The following SRRM2 variants were observed in gnomAD, a reference collection of about 807,000 sequenced individuals.
SRRM2 encodes the protein serine/arginine repetitive matrix 2, also known as serine/arginine repetitive matrix protein 2.
Under a neutral mutation model 213.8 loss-of-function variants are expected in SRRM2, and 30 were observed. That is an observed-to-expected ratio of 0.14 (90% CI 0.10 to 0.19). SRRM2 has a LOEUF of 0.19. Among genes scored for constraint, SRRM2 ranks in the 10% least tolerant of loss-of-function variants. SRRM2 has a pLI of 1.00. For missense variants in SRRM2, 4,904 were observed against 3,647.0 expected, an observed-to-expected ratio of 1.34 and a Z score of -8.88; for synonymous variants, 2,025 against 1,377.7, an observed-to-expected ratio of 1.47 and a Z score of -10.40.
Position 2,761,710 on chromosome 16 carries a change from A to C in SRRM2, c.1182A>C (p.Pro394=), listed in dbSNP as rs2068356175. 2.5e-6 allele frequency: 4 copies of C among 1,604,616 alleles called. No individual in the cohort carries two copies. Among genetic ancestry groups the C allele is most frequent in the Admixed American group, 1.7e-5 (1 of 58,910 alleles). Residue 394 remains proline, a synonymous_variant, in exon 11 of 15, where the codon CCA becomes CCC. Coordinates refer to ENST00000301740, the MANE Select transcript of SRRM2 (RefSeq NM_016333.4). ...TPLSQEPVNP[P]SEASPTRDRS... ...TAAGCCAGGAGCCAGTGAACCCCCCATCTGAGGCCTCTCCAACTCGGGACC... is the reference window on the plus strand; with the variant it reads ...TAAGCCAGGAGCCAGTGAACCCCCCCTCTGAGGCCTCTCCAACTCGGGACC...
At chr16:2,759,537 T>G (rs1234523676) in intron 8 of SRRM2, 32 bp from the exon 9 acceptor site, 1 of 1,607,362 alleles carries the variant, frequency 6.2e-7, no homozygotes, top group Non-Finnish European at 8.5e-7. Flanking sequence ...GGTACAGCAG[T>G]ACCCTGAGCT....
At position 2,766,582 on chromosome 16, in the gene SRRM2, T is replaced by A; in HGVS notation, c.6054T>A (p.Ser2018=). The change falls in exon 11 of 15, where the codon TCT becomes TCA. Residue 2018 remains serine (S), a synonymous_variant. Transcript: ENST00000301740. This position sits in a 1 kb window ranked among gnomAD's most constrained non-coding sequence, Gnocchi z 7.0. The part of the protein sequence containing the change: ...SRTSPVTRRR[S]RSRTPPAIRR... ...CCTCACCAGTGACACGCCGCCGCTC[T>A]AGGTCCCGGACACCTCCAGCTATTC... 2 of 1,613,804 alleles carry A rather than the reference T, an allele frequency of 1.2e-6. No homozygotes were observed. The highest frequency in any genetic ancestry group is 1.7e-6 in the Non-Finnish European group (2 of 1,179,966).
chr16:2,761,374 T>C (rs1248296734), intron 10 of SRRM2, among the ~76,000 whole-genome samples, 187 bp from the exon 11 acceptor site: 1 of 152,256 alleles, frequency 6.6e-6, no homozygotes, highest in Non-Finnish European at 1.5e-5. Flanking sequence ...ATTCTGGCTA[T>C]CCATATATTC....
chr16:2,768,709 G>C (rs2068629496), intron 11 of SRRM2: 1 of 698,094 alleles, frequency 1.4e-6, no homozygotes. Context: ...AGACTACCCA[G>C]CTTCAGCTTC....
Position 2,759,035 on chromosome 16 carries a change from A to T in SRRM2, c.644A>T (p.Lys215Met). The T allele has an allele frequency of 6.2e-7, 1 of 1,614,242 alleles. No homozygotes were observed. Among genetic ancestry groups the T allele is most frequent in the African/African-American group, 1.3e-5 (1 of 75,052 alleles). Residue 215 changes from lysine (K) to methionine (M), a missense_variant, in exon 6 of 15, where the codon AAG becomes ATG. Transcript: ENST00000301740. ...CGGGAGAGAAAGAAAAGCTCAAAGA[A>T]GAAGAAGCACAGGTATGAGGTGGGA... Reference protein sequence around the residue: ...PRRERKKSSKKKKHRSESESK... With the variant: ...PRRERKKSSKMKKHRSESESK...
rs1245242021 is a variant in SRRM2, at chr16:2,765,748, G to A, written c.5220G>A (p.Arg1740=). The A allele has an allele frequency of 2.5e-6, 4 of 1,614,086 alleles. No individual in the cohort carries two copies. The highest frequency in any genetic ancestry group is 3.4e-6 in the Non-Finnish European group (4 of 1,180,020). ...VSSPEPAEKS[R]SSRRRRSASS... ...CCCCGGAGCCAGCCGAAAAATCGAG[G>A]TCTTCACGCCGACGGCGCTCAGCTT... The change falls in exon 11 of 15, where the codon AGG becomes AGA. Residue 1740 remains arginine, a synonymous_variant. Transcript: ENST00000301740.
At position 2,759,602 on chromosome 16, in the gene SRRM2, C is replaced by G. The variant is rs550515538; in HGVS notation, c.774C>G (p.Arg258=). ...SRSTTPAPKS[R]RAHRSTSADS... ...GTACAACACCAGCCCCCAAGAGCCG[C>G]CGGGCCCACCGTTCAACTTCTGCTG... Residue 258 remains arginine (R), a synonymous_variant, in exon 9 of 15, where the codon CGC becomes CGG. Coordinates refer to ENST00000301740, the MANE Select transcript of SRRM2 (RefSeq NM_016333.4). 6.2e-7 allele frequency: 1 copy of G among 1,614,120 alleles called. No individual in the cohort carries two copies. The highest frequency in any genetic ancestry group is 1.3e-5 in the African/African-American group (1 of 75,010).
intron 4 of SRRM2, among the ~76,000 whole-genome samples, 176 bp downstream of exon 4, chr16:2,758,121 TC>T (rs1248775253): frequency 3.9e-5 from 6 of 152,324 alleles, no homozygotes; most frequent in Middle Eastern, 3.4e-3. Flanking sequence ...ACGCGCGTAA[TC>T]CCAGCATTTT....
chr16:2,763,286 A>G lies in SRRM2; in HGVS notation c.2758A>G (p.Lys920Glu). The G allele has an allele frequency of 6.2e-7, 1 of 1,614,142 alleles. No individual in the cohort carries two copies. Among genetic ancestry groups the G allele is most frequent in the South Asian group, 1.1e-5 (1 of 91,078 alleles). ...SRSSSPQPKV[K>E]AIISPRQRSH... is the part of the protein sequence containing the mutation. ...GTCATCATCTCCACAACCCAAAGTGAAGGCAATAATATCACCAAGACAAAG... is the reference window on the plus strand; with the variant it reads ...GTCATCATCTCCACAACCCAAAGTGGAGGCAATAATATCACCAAGACAAAG... Residue 920 changes from lysine to glutamate, a missense_variant, in exon 11 of 15, where the codon AAG (lysine) becomes GAG (glutamate). Coordinates refer to ENST00000301740, the MANE Select transcript of SRRM2 (RefSeq NM_016333.4).
At chr16:2,754,312 G>T (rs866439602) in intron 1 of SRRM2, among the ~76,000 whole-genome samples, 5 of 147,306 alleles carry the variant, frequency 3.4e-5, no homozygotes, top group African/African-American at 7.6e-5. Context: ...TTTTTTTTCC[G>T]AGACGGAGTC....
In SRRM2 at chr16:2,758,466, C is replaced by T. The variant is rs372362543; in HGVS notation, c.516-4C>T. 1.8e-5 allele frequency: 29 copies of T among 1,613,464 alleles called. No homozygotes were observed. The highest frequency in any genetic ancestry group is 2.4e-5 in the Non-Finnish European group (28 of 1,179,446). ...CATCTCTGCTGCTTTTCATTTTTCCCTAGCCTTGTTCGGGAGTCTAGCAGT... is the reference window on the plus strand; with the variant it reads ...CATCTCTGCTGCTTTTCATTTTTCCTTAGCCTTGTTCGGGAGTCTAGCAGT... On this transcript the variant is annotated splice_region_variant and splice_polypyrimidine_tract_variant and intron_variant, in intron 4 of 14. Coordinates refer to ENST00000301740, the MANE Select transcript of SRRM2 (RefSeq NM_016333.4).
chr16:2,761,191 T>G (rs1420426306), intron 10 of SRRM2, among the ~76,000 whole-genome samples: 1 of 152,256 alleles, frequency 6.6e-6, no homozygotes, highest in African/African-American at 2.4e-5. Context: ...ATGCTGTTTC[T>G]TTTCGTTTAA....
rs776715070 is a variant in SRRM2 at position 2,766,716 on chromosome 16, G to A, written c.6188G>A (p.Arg2063Gln). ...RSRSRTPRTARGKRSLTRSPP... is the reference protein window; with the variant it reads ...RSRSRTPRTAQGKRSLTRSPP... ...AGATCCCGTACTCCACGAACAGCTC[G>A]GGGTAAACGGTCCTTAACAAGATCT... The change falls in exon 11 of 15, where the codon CGG becomes CAG. Residue 2063 changes from arginine (R) to glutamine (Q), a missense_variant. Coordinates refer to ENST00000301740, the MANE Select transcript of SRRM2 (RefSeq NM_016333.4). The surrounding 1 kb of genome is among the most constrained non-coding windows in gnomAD (Gnocchi z 7.0). 1.1e-5 allele frequency: 18 copies of A among 1,614,042 alleles called. No homozygotes were observed. In the Admixed American group the frequency reaches 1.3e-4, roughly 12 times the overall value.
rs1277495801 is a variant in SRRM2 at position 2,764,634 on chromosome 16, T to C, written c.4106T>C (p.Leu1369Pro). 1 of 1,614,110 alleles carries C rather than the reference T, an allele frequency of 6.2e-7. No homozygotes were observed. The highest frequency in any genetic ancestry group is 8.5e-7 in the Non-Finnish European group (1 of 1,180,048). ...AATCAGCTGGAAACAGATCCATCTC[T>C]AGACATGAAAGAACAATCGACAAGA... ...FLNQLETDPS[L>P]DMKEQSTRSS... Residue 1369 changes from leucine (L) to proline (P), a missense_variant, in exon 11 of 15, where the codon CTA (leucine) becomes CCA (proline). Coordinates refer to ENST00000301740, the MANE Select transcript of SRRM2 (RefSeq NM_016333.4).
In SRRM2 at chr16:2,762,160, G is replaced by A. The variant is rs749583323; in HGVS notation, c.1632G>A (p.Arg544=). Residue 544 remains arginine (R), a synonymous_variant, in exon 11 of 15, where the codon AGG becomes AGA. Coordinates refer to ENST00000301740, the MANE Select transcript of SRRM2 (RefSeq NM_016333.4). ...SRSPQRPGWS[R]SRNTQRRGRS... Reference sequence around the variant, plus strand: ...CTCCTCAGCGACCAGGCTGGTCTAGGAGCAGAAATACCCAGAGAAGAGGCA... The same window carrying A: ...CTCCTCAGCGACCAGGCTGGTCTAGAAGCAGAAATACCCAGAGAAGAGGCA... The A allele has an allele frequency of 1.1e-5, 17 of 1,613,856 alleles. No homozygotes were observed. The highest frequency in any genetic ancestry group is 2.7e-5 in the African/African-American group (2 of 74,834).
chr16:2,763,242 C>G lies in SRRM2; in HGVS notation c.2714C>G (p.Pro905Arg). The change falls in exon 11 of 15, where the codon CCC (proline) becomes CGC (arginine). Residue 905 changes from proline (P) to arginine (R), a missense_variant. Pro to Arg is a moderately radical substitution (Grantham distance 103). Transcript: ENST00000301740. ...SPPRVKSSTP[P>R]RQSPSRSSSP... is the part of the protein sequence containing the mutation. Reference sequence around the variant, plus strand: ...CCTAGAGTGAAATCTAGCACACCTCCCAGACAGAGCCCATCTAGGTCATCA... The same window carrying G: ...CCTAGAGTGAAATCTAGCACACCTCGCAGACAGAGCCCATCTAGGTCATCA... The G allele has an allele frequency of 6.2e-7, 1 of 1,614,124 alleles. No homozygotes were observed. Among genetic ancestry groups the G allele is most frequent in the Non-Finnish European group, 8.5e-7 (1 of 1,180,024 alleles).
rs755405994 is a variant in SRRM2, at chr16:2,765,268, A to G, written c.4740A>G (p.Gly1580=). ...RTPLRQRSRS[G]SSPEVDSKSR... is the part of the protein sequence containing the mutation. The stretch of plus-strand genomic sequence containing the variant: ...CACTTCGGCAGAGGAGTCGGTCTGG[A>G]TCATCTCCAGAGGTTGACAGCAAAT... Residue 1580 remains glycine, a synonymous_variant, in exon 11 of 15, where the codon GGA becomes GGG. Coordinates refer to ENST00000301740, the MANE Select transcript of SRRM2 (RefSeq NM_016333.4). The G allele has an allele frequency of 6.2e-6, 10 of 1,614,012 alleles. No homozygotes were observed. The South Asian group carries it at 1.1e-4, about 18-fold the overall frequency.
intron 12 of SRRM2, chr16:2,770,142 C>T (rs986819990): frequency 7.0e-7 from 1 of 1,430,194 alleles, no homozygotes; most frequent in South Asian, 1.5e-5. Flanking sequence ...CTGTCTTTAT[C>T]TTTGCATCCC....
chr16:2,753,869 A>G (rs375380541), intron 1 of SRRM2, among the ~76,000 whole-genome samples: 4 of 152,084 alleles, frequency 2.6e-5, no homozygotes, highest in East Asian at 1.9e-4. Context: ...GTGCTTGCTG[A>G]TGTCCATTTT....
Sources: allele counts gnomAD v4.1 joint callset (sites outside exome capture counted in the v4.1 genomes callset), GRCh38; gene constraint gnomAD v4.1.1; non-coding constraint Gnocchi (gnomAD v3.1); transcripts MANE v1.5; gene names NCBI Gene and HGNC (gene_info 2026-07-23, HGNC 2026-07-21).